The following COL7A1 variants were observed in gnomAD, a reference collection of about 807,000 sequenced individuals.
COL7A1 encodes the protein collagen type VII alpha 1 chain, also known as collagen alpha-1(VII) chain.
COL7A1 carries 296 observed loss-of-function variants against 456.2 expected under a neutral mutation model. The observed-to-expected ratio is 0.65, with a 90% CI of 0.59 to 0.71. The LOEUF (loss-of-function observed/expected upper bound fraction) is 0.71, where lower values mean the gene tolerates loss of function less well. Ranked by LOEUF, COL7A1 falls within the 30% of genes least tolerant of loss-of-function variation. The probability of loss-of-function intolerance (pLI) is 0.00; values close to 1 mark genes in which losing one functional copy is unlikely to be tolerated. For synonymous variants in COL7A1, 1,464 were observed against 1,525.9 expected, an observed-to-expected ratio of 0.96 and a Z score of 0.95; for missense variants, 3,441 against 4,017.2, an observed-to-expected ratio of 0.86 and a Z score of 3.88.
Position 48,583,283 on chromosome 3 carries a change from G to C in COL7A1, c.4437+110C>G. On this transcript the variant is annotated intron_variant, in intron 42 of 118. Coordinates refer to ENST00000681320, the MANE Select transcript of COL7A1 (RefSeq NM_000094.4). This position sits in a 1 kb window ranked among gnomAD's most constrained non-coding sequence, Gnocchi z 5.1. ...CTCCAACCACCCCCTCCAAAACCAC[G>C]ACCTCTGACCTGGAGGGAACTCTTA... 2 of 1,604,004 alleles carry C rather than the reference G, an allele frequency of 1.2e-6. No individual in the cohort carries two copies. The highest frequency in any genetic ancestry group is 1.7e-6 in the Non-Finnish European group (2 of 1,173,008).
rs990035460 is a variant in COL7A1, at chr3:48,580,632, C to T, written c.5001G>A (p.Gly1667=). Residue 1667 remains glycine, a synonymous_variant, in exon 55 of 119, where the codon GGG becomes GGA. Coordinates refer to ENST00000681320, the MANE Select transcript of COL7A1 (RefSeq NM_000094.4). The surrounding 1 kb of genome is among the most constrained non-coding windows in gnomAD (Gnocchi z 4.5). ...RGLRGAPGVR[G]PVGEKGDQGD... ...CCTGGTCTCCCTTTTCACCCACAGG[C>T]CCCCGAACTCCAGGTGCCCCCTAAG... The T allele has an allele frequency of 8.7e-6, 14 of 1,613,752 alleles. No individual in the cohort carries two copies. The highest frequency in any genetic ancestry group is 1.1e-5 in the Non-Finnish European group (13 of 1,179,948).
At position 48,588,211 on chromosome 3, in the gene COL7A1, G is replaced by C; in HGVS notation, c.2710+71C>G. On this transcript the variant is annotated intron_variant, in intron 21 of 118. Transcript: ENST00000681320. The surrounding 1 kb of genome is among the most constrained non-coding windows in gnomAD (Gnocchi z 4.6). ...GACCCCGCCCACCATCACTGTCCTC[G>C]CCTACCTTGCGGAGTCTGCCACAGC... 1 of 1,608,722 alleles carries C rather than the reference G, an allele frequency of 6.2e-7. No homozygotes were observed. Among genetic ancestry groups the C allele is most frequent in the East Asian group, 2.2e-5 (1 of 44,820 alleles).
chr3:48,589,493 C>T lies in COL7A1; in HGVS notation c.2171-23G>A, dbSNP rs778725976. 4 of 1,613,258 alleles carry T rather than the reference C, an allele frequency of 2.5e-6. No homozygotes were observed. In the East Asian group the frequency reaches 8.9e-5, roughly 36 times the overall value. On this transcript the variant is annotated intron_variant, in intron 17 of 118. Transcript: ENST00000681320. ...GGCCTGGGAACAGGGATGGAGGCAG[C>T]TCCAGGGCTAGCAAACTCTGTGCCC...
Position 48,587,678 on chromosome 3 carries a change from C to T in COL7A1, c.2857+115G>A. The T allele has an allele frequency of 6.2e-7, 1 of 1,603,692 alleles. No homozygotes were observed. The highest frequency in any genetic ancestry group is 1.3e-5 in the African/African-American group (1 of 74,812). Reference sequence around the variant, plus strand: ...TCATGGGAGGTCATGCTGGGGTCACCCAGGGTCAGAGGGTGAGGGGTAGGG... The same window carrying T: ...TCATGGGAGGTCATGCTGGGGTCACTCAGGGTCAGAGGGTGAGGGGTAGGG... On this transcript the variant is annotated intron_variant, in intron 22 of 118. Transcript: ENST00000681320. This position sits in a 1 kb window ranked among gnomAD's most constrained non-coding sequence, Gnocchi z 6.1.
At position 48,574,447 on chromosome 3, in the gene COL7A1, C is replaced by G; in HGVS notation, c.6456+41G>C. 1 of 1,613,846 alleles carries G rather than the reference C, an allele frequency of 6.2e-7. No homozygotes were observed. The highest frequency in any genetic ancestry group is 2.2e-5 in the East Asian group (1 of 44,896). Reference sequence around the variant, plus strand: ...GCACACAGGACAATACATGTGAGAGCCACCTTCTTGCACATGTGTGGCTGT... The same window carrying G: ...GCACACAGGACAATACATGTGAGAGGCACCTTCTTGCACATGTGTGGCTGT... On this transcript the variant is annotated intron_variant, in intron 79 of 118. Transcript: ENST00000681320. The surrounding 1 kb of genome is among the most constrained non-coding windows in gnomAD (Gnocchi z 5.0).
At chr3:48,589,757 C>T in intron 16 of COL7A1, 39 bp from the exon 17 acceptor site, 1 of 1,613,582 alleles carries the variant, frequency 6.2e-7, no homozygotes. Context: ...CTGGAACAGG[C>T]AGGAAGGAGT....
At position 48,579,736 on chromosome 3, in the gene COL7A1, G is replaced by A. The variant is rs764690357; in HGVS notation, c.5154+49C>T. 1.1e-5 allele frequency: 17 copies of A among 1,613,916 alleles called. No homozygotes were observed. Among genetic ancestry groups the A allele is most frequent in the Non-Finnish European group, 8.5e-6 (10 of 1,179,986 alleles). ...AGCCATGCCCAAGGTAGAACCTGCTGGGAGGGGCACTGGGGTCTTTCTTAC... is the reference window on the plus strand; with the variant it reads ...AGCCATGCCCAAGGTAGAACCTGCTAGGAGGGGCACTGGGGTCTTTCTTAC... On this transcript the variant is annotated intron_variant, in intron 58 of 118. Coordinates refer to ENST00000681320, the MANE Select transcript of COL7A1 (RefSeq NM_000094.4). This position sits in a 1 kb window ranked among gnomAD's most constrained non-coding sequence, Gnocchi z 4.4.
chr3:48,593,191 A>G lies in COL7A1; in HGVS notation c.593T>C (p.Val198Ala), dbSNP rs2045835286. ...TGTCCTCAAGATGCTGAAGTCATTG[A>G]CGAAGAAGAAGAAGTCACTGGTGGG... Reference protein sequence around the residue: ...SQPTSDFFFFVNDFSILRTLL... With the variant: ...SQPTSDFFFFANDFSILRTLL... Residue 198 changes from valine to alanine, a missense_variant, in exon 6 of 119, where the codon GTC (valine) becomes GCC (alanine). Val to Ala is a moderately conservative substitution (Grantham distance 64, BLOSUM62 0). Around this residue, in one of 3 missense-constraint regions of COL7A1, gnomAD observed 913 missense variants for 1,088.2 expected, o/e 0.84. Transcript: ENST00000681320. This position sits in a 1 kb window ranked among gnomAD's most constrained non-coding sequence, Gnocchi z 4.4. The G allele has an allele frequency of 1.1e-5, 18 of 1,614,094 alleles. No individual in the cohort carries two copies. Among genetic ancestry groups the G allele is most frequent in the Non-Finnish European group, 1.5e-5 (18 of 1,179,996 alleles).
chr3:48,575,088 CCCAGGGGTT>C lies in COL7A1; in HGVS notation c.6246_6254del (p.Thr2083_Gly2085del), dbSNP rs767279107. 5 of 1,612,956 alleles carry C rather than the reference CCCAGGGGTT, an allele frequency of 3.1e-6. No homozygotes were observed. Among genetic ancestry groups the C allele is most frequent in the Non-Finnish European group, 2.5e-6 (3 of 1,179,542 alleles). ...CCTTGGGGCCAGGGGGTCCGGGGGG[CCCAGGGGTT>C]CCAGGGAGTCCAGGAGGGCCATCTC... On this transcript the variant is annotated inframe_deletion, in exon 76 of 119. Transcript: ENST00000681320. This position sits in a 1 kb window ranked among gnomAD's most constrained non-coding sequence, Gnocchi z 6.3.
chr3:48,592,213 G>A lies in COL7A1; in HGVS notation c.1129C>T (p.Gln377Ter), dbSNP rs1255540771. ...AAGTCACGCAGCAACACTGAACCCT[G>A]CCCAGGGCCCAGCTCCTGCTGCTGT... ...PTQQQELGPG[Q>*]GSVLLRDLEP... Residue 377 changes from glutamine (Q) to a stop codon, truncating the protein, a stop_gained, in exon 10 of 119, where the codon CAG (glutamine) becomes TAG (stop). Coordinates refer to ENST00000681320, the MANE Select transcript of COL7A1 (RefSeq NM_000094.4). LOFTEE classifies it high-confidence loss of function. This position sits in a 1 kb window ranked among gnomAD's most constrained non-coding sequence, Gnocchi z 7.6. The A allele has an allele frequency of 6.2e-7, 1 of 1,613,972 alleles. No homozygotes were observed. Among genetic ancestry groups the A allele is most frequent in the Non-Finnish European group, 8.5e-7 (1 of 1,180,048 alleles).
rs2043899331 is a variant in COL7A1 at position 48,571,250 on chromosome 3, C to T, written c.7097G>A (p.Gly2366Asp). The stretch of plus-strand genomic sequence containing the variant: ...CCTTCTGGGTACACATACCTTGAAA[C>T]CTTTGGGTCCTGGAGCCCCTTTCTG... ...DGQKGAPGPK[G>D]FKGDPGVGVP... Residue 2366 changes from glycine (G) to aspartate (D), a missense_variant, in exon 93 of 119, where the codon GGT becomes GAT. By Grantham distance (94) the Gly-to-Asp change is moderately conservative. Transcript: ENST00000681320. The surrounding 1 kb of genome is among the most constrained non-coding windows in gnomAD (Gnocchi z 4.6). 6.2e-7 allele frequency: 1 copy of T among 1,614,064 alleles called. No individual in the cohort carries two copies. Among genetic ancestry groups the T allele is most frequent in the African/African-American group, 1.3e-5 (1 of 74,938 alleles).
At chr3:48,582,222 C>A in intron 47 of COL7A1, 101 bp downstream of exon 47, 2 of 1,596,876 alleles carry the variant, frequency 1.3e-6, no homozygotes, top group African/African-American at 1.3e-5. Flanking sequence ...AGCCTGCTCA[C>A]GGGCCCAGCA....
In COL7A1 at chr3:48,566,470, C is replaced by A; in HGVS notation, c.8358+40G>T. 2 of 1,613,060 alleles carry A rather than the reference C, an allele frequency of 1.2e-6. No homozygotes were observed. The highest frequency in any genetic ancestry group is 2.2e-5 in the South Asian group (2 of 91,060). ...AGGTAGGGCCCCAGCCCACCCAGGCCCACCCAGGCCCTCCCAGGCCCATCC... is the reference window on the plus strand; with the variant it reads ...AGGTAGGGCCCCAGCCCACCCAGGCACACCCAGGCCCTCCCAGGCCCATCC... On this transcript the variant is annotated intron_variant, in intron 113 of 118. Transcript: ENST00000681320. This position sits in a 1 kb window ranked among gnomAD's most constrained non-coding sequence, Gnocchi z 5.9.
chr3:48,580,894 C>T lies in COL7A1; in HGVS notation c.4968G>A (p.Glu1656=), dbSNP rs779192809. The change falls in exon 54 of 119, where the codon GAG becomes GAA. Residue 1656 remains glutamate, a synonymous_variant. Transcript: ENST00000681320. The surrounding 1 kb of genome is among the most constrained non-coding windows in gnomAD (Gnocchi z 4.5). ...GDPGLPGKAG[E]RGLRGAPGVR... ...TGCCAAGACTCACCCGAAGGCCACGCTCGCCTGCTTTTCCAGGCAAACCCG... is the reference window on the plus strand; with the variant it reads ...TGCCAAGACTCACCCGAAGGCCACGTTCGCCTGCTTTTCCAGGCAAACCCG... The T allele has an allele frequency of 3.6e-5, 58 of 1,614,018 alleles. No individual in the cohort carries two copies. The highest frequency in any genetic ancestry group is 3.3e-4 in the Middle Eastern group (2 of 6,084).
chr3:48,587,046 G>C lies in COL7A1; in HGVS notation c.3202C>G (p.Arg1068Gly). 1 of 1,608,826 alleles carries C rather than the reference G, an allele frequency of 6.2e-7. No individual in the cohort carries two copies. Among genetic ancestry groups the C allele is most frequent in the Non-Finnish European group, 8.5e-7 (1 of 1,177,576 alleles). ...LPHATQDNAH[R>G]AEATRRVLER... ...AGGACCCTCCTCGTAGCCTCCGCAC[G>C]GTGAGCATTGTCTTGAGTGGCATGT... Residue 1068 changes from arginine to glycine, a missense_variant, in exon 25 of 119, where the codon CGT becomes GGT. Arg to Gly is a moderately radical substitution (Grantham distance 125). Around this residue, in one of 3 missense-constraint regions of COL7A1, gnomAD observed 444 missense variants for 427.6 expected, o/e 1.04. Coordinates refer to ENST00000681320, the MANE Select transcript of COL7A1 (RefSeq NM_000094.4). This position sits in a 1 kb window ranked among gnomAD's most constrained non-coding sequence, Gnocchi z 6.1.
Position 48,585,957 on chromosome 3 carries a change from G to A in COL7A1, c.3742C>T (p.Pro1248Ser). The A allele has an allele frequency of 6.2e-7, 1 of 1,614,070 alleles. No homozygotes were observed. Among genetic ancestry groups the A allele is most frequent in the Non-Finnish European group, 8.5e-7 (1 of 1,180,020 alleles). ...FTTQPRPEPC[P>S]VYCPKGQKGE... ...ACTCTTACCTTTGGACAATACACTG[G>A]GCAGGGCTCTGGCCGGGGCTGCGGA... Residue 1248 changes from proline (P) to serine (S), a missense_variant, in exon 29 of 119, where the codon CCA becomes TCA. This residue lies in a region of COL7A1 where 2,084 missense variants were observed against 2,501.3 expected (regional missense o/e 0.83). Coordinates refer to ENST00000681320, the MANE Select transcript of COL7A1 (RefSeq NM_000094.4). The surrounding 1 kb of genome is among the most constrained non-coding windows in gnomAD (Gnocchi z 4.5).
chr3:48,571,114 G>C lies in COL7A1; in HGVS notation c.7151C>G (p.Pro2384Arg). 6.2e-7 allele frequency: 1 copy of C among 1,614,042 alleles called. No individual in the cohort carries two copies. The highest frequency in any genetic ancestry group is 8.5e-7 in the Non-Finnish European group (1 of 1,180,004). Residue 2384 changes from proline (P) to arginine (R), a missense_variant, in exon 94 of 119, where the codon CCT becomes CGT. Physicochemically the swap from Pro to Arg is moderately radical, Grantham distance 103 (BLOSUM62 -2). This residue lies in a region of COL7A1 where 2,084 missense variants were observed against 2,501.3 expected (regional missense o/e 0.83). Transcript: ENST00000681320. The surrounding 1 kb of genome is among the most constrained non-coding windows in gnomAD (Gnocchi z 4.6). The part of the protein sequence containing the change: ...GVPGSPGPPG[P>R]PGVKGDLGLP... ...GCATTGACTTACCTTCACACCTGGAGGGCCAGGAGGCCCAGGGGAGCCCGG... is the reference window on the plus strand; with the variant it reads ...GCATTGACTTACCTTCACACCTGGACGGCCAGGAGGCCCAGGGGAGCCCGG...
At position 48,572,262 on chromosome 3, in the gene COL7A1, G is replaced by A. The variant is rs1421155866; in HGVS notation, c.6979-91C>T. The A allele has an allele frequency of 6.2e-7, 1 of 1,609,878 alleles. No homozygotes were observed. The highest frequency in any genetic ancestry group is 1.3e-5 in the African/African-American group (1 of 74,812). On this transcript the variant is annotated intron_variant, in intron 90 of 118. Coordinates refer to ENST00000681320, the MANE Select transcript of COL7A1 (RefSeq NM_000094.4). This position sits in a 1 kb window ranked among gnomAD's most constrained non-coding sequence, Gnocchi z 4.6. Reference sequence around the variant, plus strand: ...CATGGGGCCAGAGCTTAAATATGCGGTCTACTATGAAAGCTGAGGGTCATG... The same window carrying A: ...CATGGGGCCAGAGCTTAAATATGCGATCTACTATGAAAGCTGAGGGTCATG...
At chr3:48,576,200 C>G in intron 71 of COL7A1, 49 bp downstream of exon 71, 1 of 1,611,278 alleles carries the variant, frequency 6.2e-7, no homozygotes. Context: ...AAGGTGGCCC[C>G]AATGGGCATG....
Sources: allele counts gnomAD v4.1 joint callset, GRCh38; gene constraint gnomAD v4.1.1; regional missense constraint gnomAD v4.1.1; non-coding constraint Gnocchi (gnomAD v3.1); transcripts MANE v1.5; gene names NCBI Gene and HGNC (gene_info 2026-07-23, HGNC 2026-07-21).